The following GPR137C variants were observed in gnomAD, a reference collection of about 807,000 sequenced individuals.
GPR137C encodes integral membrane protein GPR137C.
GPR137C carries 27 observed loss-of-function variants against 43.4 expected under a neutral mutation model. That is an observed-to-expected ratio of 0.62 (90% CI 0.46 to 0.86). GPR137C has a LOEUF of 0.86. Among genes scored for constraint, GPR137C ranks in the 40% least tolerant of loss-of-function variants. The pLI is 0.00. For missense variants in GPR137C, 522 were observed against 534.6 expected (o/e 0.98, Z 0.23); for synonymous variants, 285 against 226.9 (o/e 1.26, Z -2.30).
In GPR137C at chr14:52,632,287, G is replaced by A. The variant is rs754234443; in HGVS notation, c.845G>A (p.Gly282Asp). The A allele has an allele frequency of 6.8e-6, 11 of 1,610,318 alleles. No individual in the cohort carries two copies. The Admixed American group carries it at 1.8e-4, about 27-fold the overall frequency. ...ACATTAGAAAGTCCATTTAATTATGGCTGGGATAATCTTTCAGATAAGGTA... is the reference window on the plus strand; with the variant it reads ...ACATTAGAAAGTCCATTTAATTATGACTGGGATAATCTTTCAGATAAGGTA... ...QDTLESPFNY[G>D]WDNLSDKAHV... Residue 282 changes from glycine to aspartate, a missense_variant, in exon 4 of 7, where the codon GGC becomes GAC. By Grantham distance (94) the Gly-to-Asp change is moderately conservative. Coordinates refer to ENST00000321662, the MANE Select transcript of GPR137C (RefSeq NM_001099652.2).
In GPR137C at chr14:52,583,170, A is replaced by G. The variant is rs148807962; in HGVS notation, c.445-15102A>G. On this transcript the variant is annotated intron_variant, in intron 1 of 6. Transcript: ENST00000321662. ...AGTAAGTCATTTAGATACATTATTT[A>G]CCATTCTGAACTTAAAAAAAATCTA... Among the ~76,000 whole-genome samples the G allele has an allele frequency of 6.3e-3, 954 of 152,324 alleles. 11 individuals are homozygous for G. Among genetic ancestry groups the G allele is most frequent in the African/African-American group, 0.02 (845 of 41,568 alleles).
rs2038122455 is a variant in GPR137C at position 52,553,394 on chromosome 14, A to AGCCTCT, written c.254_259dup (p.Cys85_Leu86dup). ...CCGCGAGCGGCGGCTGAGTTACCAG[A>AGCCTCT]GCCTCTGCCTCTTCCTCTGTCTCCT... On this transcript the variant is annotated inframe_insertion, in exon 1 of 7. Transcript: ENST00000321662. 1 of 1,607,352 alleles carries AGCCTCT rather than the reference A, an allele frequency of 6.2e-7. No homozygotes were observed. The highest frequency in any genetic ancestry group is 1.7e-5 in the Admixed American group (1 of 59,970).
At chr14:52,553,673 G>C in intron 1 of GPR137C, 82 bp downstream of exon 1, 3 of 676,610 alleles carry the variant, frequency 4.4e-6, no homozygotes, top group Non-Finnish European at 7.2e-6. Flanking sequence ...ACCAGCGGGG[G>C]CGGGGGGTGG....
intron 1 of GPR137C, among the ~76,000 whole-genome samples, chr14:52,556,312 T>C (rs1248704175): frequency 6.6e-6 from 1 of 152,060 alleles, no homozygotes; most frequent in Non-Finnish European, 1.5e-5. Flanking sequence ...AAACAAACTC[T>C]ACTACTTTGA....
intron 1 of GPR137C, among the ~76,000 whole-genome samples, chr14:52,583,183 T>G (rs2038670378): frequency 6.6e-6 from 1 of 152,082 alleles, no homozygotes; most frequent in African/African-American, 2.4e-5. Flanking sequence ...ATTCTGAACT[T>G]AAAAAAAATC....
intron 1 of GPR137C, among the ~76,000 whole-genome samples, chr14:52,565,421 T>C (rs944551580): frequency 6.6e-6 from 1 of 152,198 alleles, no homozygotes; most frequent in African/African-American, 2.4e-5. Flanking sequence ...TTATACCTTA[T>C]GGAAAAATTA....
chr14:52,586,348 A>G (rs2038713823), intron 1 of GPR137C, among the ~76,000 whole-genome samples: 1 of 152,164 alleles, frequency 6.6e-6, no homozygotes, highest in African/African-American at 2.4e-5. Flanking sequence ...GTCTGTACTC[A>G]CTGCTTCTGT....
At chr14:52,586,078 A>G (rs951374868) in intron 1 of GPR137C, among the ~76,000 whole-genome samples, 1 of 152,222 alleles carries the variant, frequency 6.6e-6, no homozygotes, top group Non-Finnish European at 1.5e-5. Context: ...AGTGTAAGCA[A>G]ATCTTCACCA....
chr14:52,617,928 A>G (rs1190864324), intron 3 of GPR137C, among the ~76,000 whole-genome samples: 1 of 152,186 alleles, frequency 6.6e-6, no homozygotes, highest in Non-Finnish European at 1.5e-5. Flanking sequence ...TGCTTGGTAT[A>G]TTGCCTACCA....
intron 1 of GPR137C, among the ~76,000 whole-genome samples, chr14:52,586,196 CTA>C (rs1274586870): frequency 6.6e-6 from 1 of 152,212 alleles, no homozygotes; most frequent in Non-Finnish European, 1.5e-5. Context: ...AAAGTAAACA[CTA>C]TCTCTTGCAT....
At chr14:52,631,969 A>C (rs367944246) in intron 3 of GPR137C, among the ~76,000 whole-genome samples, 191 bp from the exon 4 acceptor site, 1 of 147,378 alleles carries the variant, frequency 6.8e-6, no homozygotes, top group Non-Finnish European at 1.5e-5. Flanking sequence ...AAAAAAAAAA[A>C]CTTACACATA....
At chr14:52,568,235 A>T (rs767896588) in intron 1 of GPR137C, among the ~76,000 whole-genome samples, 4 of 152,166 alleles carry the variant, frequency 2.6e-5, no homozygotes, top group Non-Finnish European at 5.9e-5. Flanking sequence ...AAGGAAAGCC[A>T]TGAGGGACTC....
chr14:52,621,035 A>G (rs12895039), intron 3 of GPR137C, among the ~76,000 whole-genome samples: 3,281 of 151,978 alleles, frequency 0.022, 50 homozygotes, highest in East Asian at 0.055. Context: ...GGTGAAAGAC[A>G]TAAATTATAA....
intron 1 of GPR137C, among the ~76,000 whole-genome samples, chr14:52,575,204 T>C (rs1367135113): frequency 6.6e-6 from 1 of 152,202 alleles, no homozygotes; most frequent in East Asian, 1.9e-4. Context: ...ATAAATTTAA[T>C]ACTTCACTCC....
chr14:52,587,092 C>T (rs896095642), intron 1 of GPR137C, among the ~76,000 whole-genome samples: 5 of 152,264 alleles, frequency 3.3e-5, no homozygotes, highest in African/African-American at 7.2e-5. Context: ...CACACTATCC[C>T]ACACACCACC....
chr14:52,587,212 G>A lies in GPR137C; in HGVS notation c.445-11060G>A, dbSNP rs111531357. On this transcript the variant is annotated intron_variant, in intron 1 of 6. Transcript: ENST00000321662. ...ATGGTAGGTATTGGGCTCTATATCTGAGTAAGTTATGGTCTTTCTTAAGAG... is the reference window on the plus strand; with the variant it reads ...ATGGTAGGTATTGGGCTCTATATCTAAGTAAGTTATGGTCTTTCTTAAGAG... Among the ~76,000 whole-genome samples, 278 of 152,272 alleles carry A rather than the reference G, an allele frequency of 1.8e-3. 1 individual carries two copies. Among genetic ancestry groups the A allele is most frequent in the African/African-American group, 6.4e-3 (267 of 41,560 alleles).
chr14:52,607,567 A>C (rs190300144), intron 3 of GPR137C, among the ~76,000 whole-genome samples: 3 of 152,140 alleles, frequency 2.0e-5, no homozygotes, highest in Admixed American at 2.0e-4. Flanking sequence ...TCTTTTTACA[A>C]TTTTTGACTT....
intron 3 of GPR137C, among the ~76,000 whole-genome samples, chr14:52,601,848 G>A (rs929467081): frequency 1.3e-5 from 2 of 151,520 alleles, no homozygotes; most frequent in Non-Finnish European, 2.9e-5. Flanking sequence ...TTTTTTACTC[G>A]CTTTGAAATA....
In GPR137C at chr14:52,635,167, C is replaced by A. The variant is rs1265055442; in HGVS notation, c.*52C>A. 1.4e-6 allele frequency: 2 copies of A among 1,381,486 alleles called. No individual in the cohort carries two copies. The highest frequency in any genetic ancestry group is 2.6e-5 in the Admixed American group (1 of 38,314). The allele number at this position is 1,381,486 out of a possible 1,614,324, so 85.6% of individuals were successfully genotyped here. The stretch of plus-strand genomic sequence containing the variant: ...GTTGTTTTTCATAAATGTGTATATT[C>A]AATGTGTTTAAATTCCATCTACATA... On this transcript the variant is annotated 3_prime_UTR_variant, in exon 7 of 7. Coordinates refer to ENST00000321662, the MANE Select transcript of GPR137C (RefSeq NM_001099652.2).
Sources: gnomAD v4.1 joint callset for allele counts (sites outside exome capture counted in the v4.1 genomes callset) on GRCh38, gnomAD v4.1.1 for gene constraint, MANE v1.5 for transcripts, NCBI Gene and HGNC (gene_info 2026-07-23, HGNC 2026-07-21) for gene names.